RBFOX1: variants seen among roughly 807,000 people sequenced by gnomAD.
RBFOX1 encodes RNA binding protein fox-1 homolog 1.
RBFOX1 carries 8 observed loss-of-function variants against 57.7 expected under a neutral mutation model. The ratio of observed to expected loss-of-function variants is 0.14; its 90% CI spans 0.08 to 0.25. RBFOX1 has a LOEUF of 0.25. Among genes scored for constraint, RBFOX1 ranks in the 10% least tolerant of loss-of-function variants. The pLI is 1.00. For missense variants in RBFOX1, 611 were observed against 548.5 expected, an observed-to-expected ratio of 1.11 and a Z score of -1.14; for synonymous variants, 326 against 222.4, an observed-to-expected ratio of 1.47 and a Z score of -4.15.
chr16:6,385,494 G>T (rs2092196816), intron 2 of RBFOX1, among the ~76,000 whole-genome samples: 1 of 152,154 alleles, frequency 6.6e-6, no homozygotes, highest in Admixed American at 6.5e-5. Flanking sequence ...CCAGTAGCTG[G>T]GATTACAGGC....
Position 7,128,818 on chromosome 16 carries a change from C to CTTT in RBFOX1, c.27+76739_27+76741dup, listed in dbSNP as rs759893956. 1.0e-3 allele frequency among the ~76,000 whole-genome samples: 133 copies of CTTT among 126,920 alleles called. 2 individuals carry two copies. Among genetic ancestry groups the CTTT allele is most frequent in the African/African-American group, 3.8e-3 (127 of 33,368 alleles). The allele number at this position is 126,920 out of a possible 152,430, so 83.3% of individuals were successfully genotyped here. ...TAATGGTAACTTTTTTTTCTTTTTA[C>CTTT]TTTTTTTTTTTTTTTTTTTTTAAGA... is the stretch of plus-strand genomic sequence containing the variant. On this transcript the variant is annotated intron_variant, in intron 4 of 15. Coordinates refer to ENST00000550418, the MANE Select transcript of RBFOX1 (RefSeq NM_018723.4).
chr16:6,146,076 C>T (rs1303451117), intron 1 of RBFOX1, among the ~76,000 whole-genome samples: 2 of 152,134 alleles, frequency 1.3e-5, no homozygotes, highest in African/African-American at 2.4e-5. Context: ...GGGATCCAAG[C>T]TGTGTTCTAA....
At chr16:6,737,621 C>G (rs12926667) in intron 3 of RBFOX1, among the ~76,000 whole-genome samples, 29,947 of 151,958 alleles carry the variant, frequency 0.2, 3,092 homozygotes, top group African/African-American at 0.26. Flanking sequence ...GAGGGCTTAG[C>G]AAATAAATAC....
chr16:6,622,159 G>T (rs1390867760), intron 2 of RBFOX1, among the ~76,000 whole-genome samples: 3 of 152,124 alleles, frequency 2.0e-5, no homozygotes, highest in African/African-American at 7.2e-5. Context: ...TTGAATGATA[G>T]CACAAAATAT....
rs116535141 is a variant in RBFOX1 at position 6,575,911 on chromosome 16, A to G, written c.-63-78692A>G. On this transcript the variant is annotated intron_variant, in intron 2 of 15. Coordinates refer to ENST00000550418, the MANE Select transcript of RBFOX1 (RefSeq NM_018723.4). ...TAAATAAATAAAGATTAATAAAAACATGCAAGATAATTTAGCCAGTTTTTG... is the reference window on the plus strand; with the variant it reads ...TAAATAAATAAAGATTAATAAAAACGTGCAAGATAATTTAGCCAGTTTTTG... Among the ~76,000 whole-genome samples, 413 of 152,030 alleles carry G rather than the reference A, an allele frequency of 2.7e-3. 5 individuals carry two copies. The highest frequency in any genetic ancestry group is 9.4e-3 in the African/African-American group (390 of 41,484).
rs141275921 is a variant in RBFOX1, at chr16:6,097,211, G to A, written c.-127+77219G>A. Among the ~76,000 whole-genome samples, 1,801 of 152,240 alleles carry A rather than the reference G, an allele frequency of 0.012. 36 individuals are homozygous for A. The highest frequency in any genetic ancestry group is 0.038 in the African/African-American group (1,593 of 41,544). ...TTTCTGCCATGATTGTGAGGCCTCC[G>A]TAGCCATGTGGAACTGTGAGTCCAT... On this transcript the variant is annotated intron_variant, in intron 1 of 15. Coordinates refer to ENST00000550418, the MANE Select transcript of RBFOX1 (RefSeq NM_018723.4). The surrounding 1 kb of genome is among the most constrained non-coding windows in gnomAD (Gnocchi z 5.0).
intron 4 of RBFOX1, among the ~76,000 whole-genome samples, chr16:6,003,644 A>G (rs537739609): frequency 3.3e-5 from 5 of 152,226 alleles, no homozygotes; most frequent in Admixed American, 2.6e-4. Context: ...TTTCTTTCCT[A>G]TTGGGATCCT....
intron 4 of RBFOX1, among the ~76,000 whole-genome samples, chr16:7,342,904 G>A (rs747988761): frequency 2.0e-5 from 3 of 152,124 alleles, no homozygotes; most frequent in African/African-American, 4.8e-5. Flanking sequence ...CAGTAGAGTC[G>A]GAAGTTAATT....
chr16:7,137,472 C>G (rs1473138076), intron 4 of RBFOX1, among the ~76,000 whole-genome samples: 1 of 152,282 alleles, frequency 6.6e-6, no homozygotes, highest in African/African-American at 2.4e-5. Context: ...GGTTGTCATT[C>G]TCTCTCTTGC....
intron 1 of RBFOX1, among the ~76,000 whole-genome samples, chr16:5,278,574 A>G (rs1260882051): frequency 3.9e-5 from 6 of 152,088 alleles, no homozygotes; most frequent in Non-Finnish European, 5.9e-5. Context: ...CACTGTGTTG[A>G]TTGTTTTCTT....
chr16:5,993,427 C>A (rs1437407827), intron 4 of RBFOX1, among the ~76,000 whole-genome samples: 1 of 129,500 alleles, frequency 7.7e-6, no homozygotes, highest in Non-Finnish European at 1.7e-5. Flanking sequence ...GAGAAGGAGA[C>A]AGAGAGAGAC....
At chr16:5,336,617 C>G (rs1161814827) in intron 1 of RBFOX1, among the ~76,000 whole-genome samples, 2 of 152,204 alleles carry the variant, frequency 1.3e-5, no homozygotes, top group Non-Finnish European at 2.9e-5. Flanking sequence ...GGCATCGTCT[C>G]TGAAGCAGGG....
chr16:7,124,099 A>C (rs2067834242), intron 4 of RBFOX1, among the ~76,000 whole-genome samples: 1 of 152,214 alleles, frequency 6.6e-6, no homozygotes. Flanking sequence ...AGTGTTTTAT[A>C]CTTTTACCAA....
At chr16:5,807,139 A>G (rs1364220900) in intron 3 of RBFOX1, among the ~76,000 whole-genome samples, 1 of 152,198 alleles carries the variant, frequency 6.6e-6, no homozygotes, top group Non-Finnish European at 1.5e-5. Flanking sequence ...TGTGCTGGAC[A>G]GTGACAACAC....
chr16:6,372,061 G>C (rs2090505251), intron 2 of RBFOX1, among the ~76,000 whole-genome samples: 1 of 152,212 alleles, frequency 6.6e-6, no homozygotes, highest in Non-Finnish European at 1.5e-5. Flanking sequence ...AGGATGGTTG[G>C]TTAGGATCAT....
intron 3 of RBFOX1, among the ~76,000 whole-genome samples, chr16:6,727,319 C>T (rs570811034): frequency 2.2e-4 from 34 of 151,684 alleles, no homozygotes; most frequent in Non-Finnish European, 4.7e-4. Flanking sequence ...GAAAAAAAAA[C>T]GCAATTGCTT....
At chr16:5,270,843 C>T (rs778786055) in intron 1 of RBFOX1, 5 of 419,132 alleles carry the variant, frequency 1.2e-5, no homozygotes, top group Non-Finnish European at 2.3e-5. Flanking sequence ...GTTTGAAAGG[C>T]ATGGAGCTTC....
chr16:7,233,214 CTTT>C (rs138143623), intron 4 of RBFOX1, among the ~76,000 whole-genome samples: 10 of 144,536 alleles, frequency 6.9e-5, no homozygotes, highest in Middle Eastern at 3.7e-3. Flanking sequence ...TAAACTCATC[CTTT>C]TTTTTTTTTT....
At chr16:5,257,404 A>AG (rs2062614915) in intron 1 of RBFOX1, among the ~76,000 whole-genome samples, 1 of 152,200 alleles carries the variant, frequency 6.6e-6, no homozygotes, top group African/African-American at 2.4e-5. Context: ...CTTGTAAAGT[A>AG]GGCTGCATTG....
Sources: gnomAD v4.1 joint callset for allele counts (sites outside exome capture counted in the v4.1 genomes callset) on GRCh38, gnomAD v4.1.1 for gene constraint, Gnocchi (gnomAD v3.1) non-coding constraint, MANE v1.5 for transcripts, NCBI Gene and HGNC (gene_info 2026-07-23, HGNC 2026-07-21) for gene names.